Variants in AATK observed in about 807,000 individuals in gnomAD.
The protein encoded by AATK is lemur tail kinase 1.
In AATK, 91 loss-of-function variants were observed where a neutral mutation model predicts 114.3. The ratio of observed to expected loss-of-function variants is 0.80; its 90% CI spans 0.67 to 0.95. AATK has a LOEUF of 0.95. Ranked by LOEUF, AATK falls within the 40% of genes least tolerant of loss-of-function variation. The pLI is 0.00. For synonymous variants in AATK, 1,075 were observed against 916.5 expected (o/e 1.17, Z -3.12); for missense variants, 2,176 against 1,965.2 (o/e 1.11, Z -2.03).
chr17:81,141,296 A>G lies in AATK; in HGVS notation c.56-6795T>C, dbSNP rs144464521. Among the ~76,000 whole-genome samples, 399 of 152,254 alleles carry G rather than the reference A, an allele frequency of 2.6e-3. 2 individuals carry two copies. Among genetic ancestry groups the G allele is most frequent in the African/African-American group, 9.1e-3 (379 of 41,546 alleles). On this transcript the variant is annotated intron_variant, in intron 1 of 13. Transcript: ENST00000326724. ...GAAATCCCGTCTCTACTAAAAATACAAAAAACTAGCCGGGCATGGTGGCGT... is the reference window on the plus strand; with the variant it reads ...GAAATCCCGTCTCTACTAAAAATACGAAAAACTAGCCGGGCATGGTGGCGT...
At chr17:81,152,707 G>A (rs938308754) in intron 1 of AATK, among the ~76,000 whole-genome samples, 1 of 152,194 alleles carries the variant, frequency 6.6e-6, no homozygotes, top group Non-Finnish European at 1.5e-5. Flanking sequence ...AAGCACACTC[G>A]GCGGTGAGCT....
At chr17:81,147,674 T>G (rs1389253446) in intron 1 of AATK, among the ~76,000 whole-genome samples, 1 of 151,354 alleles carries the variant, frequency 6.6e-6, no homozygotes, top group Non-Finnish European at 1.5e-5. Context: ...GAGGATCGCT[T>G]AAGCCCAGGT....
chr17:81,145,250 A>AT (rs1341208093), intron 1 of AATK, among the ~76,000 whole-genome samples: 30 of 64,206 alleles, frequency 4.7e-4, no homozygotes, highest in Non-Finnish European at 7.8e-4. Flanking sequence ...AAAAAAAAAA[A>AT]GAAAAAGAAA....
intron 1 of AATK, among the ~76,000 whole-genome samples, chr17:81,158,424 G>C (rs1273035703): frequency 6.6e-6 from 1 of 152,248 alleles, no homozygotes; most frequent in East Asian, 1.9e-4. Flanking sequence ...TCCCTGGGAA[G>C]GAAAGCGGGG....
At chr17:81,139,036 AC>A (rs948976651) in intron 1 of AATK, among the ~76,000 whole-genome samples, 3 of 151,974 alleles carry the variant, frequency 2.0e-5, no homozygotes, top group Non-Finnish European at 4.4e-5. Context: ...GTGCACACCC[AC>A]AGGCACACAC....
At chr17:81,158,070 A>G (rs2146412714) in intron 1 of AATK, among the ~76,000 whole-genome samples, 1 of 152,350 alleles carries the variant, frequency 6.6e-6, no homozygotes, top group East Asian at 1.9e-4. Context: ...GGGCAGGTCC[A>G]TGGCCAGGGC....
At chr17:81,149,175 C>A (rs1812050169) in intron 1 of AATK, among the ~76,000 whole-genome samples, 1 of 152,134 alleles carries the variant, frequency 6.6e-6, no homozygotes, top group Non-Finnish European at 1.5e-5. Flanking sequence ...CCATTGTCCG[C>A]AGCCCACCCA....
At chr17:81,132,072 C>A in intron 2 of AATK, 2 of 1,256,126 alleles carry the variant, frequency 1.6e-6, no homozygotes, top group Non-Finnish European at 2.1e-6. Flanking sequence ...GGGGATACCC[C>A]ACCCCCAAGT....
rs563936378 is a variant in AATK at position 81,128,123 on chromosome 17, C to T, written c.415-213G>A. On this transcript the variant is annotated intron_variant, in intron 4 of 13. Coordinates refer to ENST00000326724, the MANE Select transcript of AATK (RefSeq NM_001080395.3). ...ATTCTGAGTCTTTCGTGTTACTCTC[C>T]CCACAAGGTCCCCCGCTGCCCTCTC... Among the ~76,000 whole-genome samples the T allele has an allele frequency of 8.1e-5, 12 of 148,042 alleles. No homozygotes were observed. In the South Asian group the frequency reaches 1.3e-3, roughly 16 times the overall value.
intron 1 of AATK, 21 bp from the exon 2 acceptor site, chr17:81,134,522 G>A: frequency 1.2e-6 from 2 of 1,605,872 alleles, no homozygotes; most frequent in East Asian, 2.2e-5. Context: ...GCAGTGTGGT[G>A]AGAGTGGCCA....
intron 1 of AATK, among the ~76,000 whole-genome samples, chr17:81,165,287 C>T (rs1567832540): frequency 6.6e-6 from 1 of 152,222 alleles, no homozygotes; most frequent in Non-Finnish European, 1.5e-5. Context: ...TGGGTAATCT[C>T]GCCCTGCCCG....
chr17:81,130,344 A>G (rs547950642), intron 3 of AATK, among the ~76,000 whole-genome samples: 26 of 152,280 alleles, frequency 1.7e-4, no homozygotes, highest in African/African-American at 5.8e-4. Context: ...CCTAGGCTCC[A>G]AGACAGAACT....
intron 1 of AATK, among the ~76,000 whole-genome samples, chr17:81,164,775 G>C (rs2061466403): frequency 6.6e-6 from 1 of 152,264 alleles, no homozygotes; most frequent in South Asian, 2.1e-4. Context: ...TGGCTGTTGG[G>C]CTCTGAGCCT....
chr17:81,160,923 G>C (rs547379381), intron 1 of AATK, among the ~76,000 whole-genome samples: 1 of 152,338 alleles, frequency 6.6e-6, no homozygotes, highest in African/African-American at 2.4e-5. Context: ...CTCCCCCGTG[G>C]ACCGAGGAGG....
At position 81,131,044 on chromosome 17, in the gene AATK, C is replaced by T; in HGVS notation, c.334+17G>A. On this transcript the variant is annotated intron_variant, in intron 3 of 13. Transcript: ENST00000326724. ...GCCCCGGAGGGAGGCCACCCCATCT[C>T]CCCACCCAGCCCTCACCTGAGCGCC... The T allele has an allele frequency of 6.5e-7, 1 of 1,546,620 alleles. No individual in the cohort carries two copies.
At chr17:81,145,288 G>A (rs1418809369) in intron 1 of AATK, among the ~76,000 whole-genome samples, 2 of 150,604 alleles carry the variant, frequency 1.3e-5, no homozygotes, top group East Asian at 3.9e-4. Flanking sequence ...TAGCCTGACT[G>A]CATAACTTCA....
At chr17:81,125,986 G>A (rs193016381) in intron 7 of AATK, 60 of 475,728 alleles carry the variant, frequency 1.3e-4, no homozygotes, top group Admixed American at 1.1e-3. Context: ...ACGGGGCCAC[G>A]TGTCCTTCGC....
At chr17:81,140,332 C>T (rs1398559478) in intron 1 of AATK, among the ~76,000 whole-genome samples, 1 of 152,232 alleles carries the variant, frequency 6.6e-6, no homozygotes, top group Admixed American at 6.5e-5. Context: ...TTAGGCACTC[C>T]TTTTCATTCC....
At chr17:81,131,658 C>T (rs753535034) in intron 2 of AATK, among the ~76,000 whole-genome samples, 3 of 152,174 alleles carry the variant, frequency 2.0e-5, no homozygotes, top group Non-Finnish European at 4.4e-5. Context: ...GCTGGCCCTG[C>T]CCATCCAGAA....
Sources: gnomAD v4.1 joint callset for allele counts (sites outside exome capture counted in the v4.1 genomes callset) on GRCh38, gnomAD v4.1.1 for gene constraint, MANE v1.5 for transcripts, NCBI Gene and HGNC (gene_info 2026-07-23, HGNC 2026-07-21) for gene names.